Variants in ADGRB3 observed in about 807,000 individuals in gnomAD.
ADGRB3 encodes the protein brain-specific angiogenesis inhibitor 3.
In ADGRB3, 37 loss-of-function variants were observed where a neutral mutation model predicts 193.4. The observed-to-expected ratio is 0.19, with a 90% CI of 0.15 to 0.25. The LOEUF (loss-of-function observed/expected upper bound fraction) is 0.25, where lower values mean the gene tolerates loss of function less well. Among genes scored for constraint, ADGRB3 ranks in the 10% least tolerant of loss-of-function variants. The pLI is 1.00. For missense variants in ADGRB3, 1,637 were observed against 1,852.9 expected, an observed-to-expected ratio of 0.88 and a Z score of 2.14; for synonymous variants, 690 against 644.2, an observed-to-expected ratio of 1.07 and a Z score of -1.08.
intron 3 of ADGRB3, among the ~76,000 whole-genome samples, chr6:68,811,305 A>T (rs1234766790): frequency 1.3e-5 from 2 of 152,150 alleles, no homozygotes; most frequent in Non-Finnish European, 2.9e-5. Flanking sequence ...ATCCATTGAG[A>T]TTTCTACATG....
chr6:69,082,166 T>C (rs1772405716), intron 17 of ADGRB3, among the ~76,000 whole-genome samples: 1 of 152,082 alleles, frequency 6.6e-6, no homozygotes, highest in Non-Finnish European at 1.5e-5. Context: ...AAATATTTAC[T>C]ATTTAGTCTT....
At chr6:68,961,930 C>T (rs1278866763) in intron 8 of ADGRB3, among the ~76,000 whole-genome samples, 1 of 152,092 alleles carries the variant, frequency 6.6e-6, no homozygotes, top group African/African-American at 2.4e-5. Context: ...TCTGTATACT[C>T]TTTAAGGAAT....
intron 3 of ADGRB3, among the ~76,000 whole-genome samples, chr6:68,807,423 G>C (rs1767426731): frequency 6.6e-6 from 1 of 151,586 alleles, no homozygotes. Flanking sequence ...TGTATTTTTA[G>C]TAGAGACGGG....
chr6:68,714,395 T>TGG (rs1330260666), intron 3 of ADGRB3, among the ~76,000 whole-genome samples: 1 of 151,690 alleles, frequency 6.6e-6, no homozygotes, highest in Non-Finnish European at 1.5e-5. Context: ...ATGGTGACAG[T>TGG]GGGATGGCTG....
At chr6:69,350,811 CAT>C (rs1258232210) in intron 26 of ADGRB3, among the ~76,000 whole-genome samples, 1 of 151,554 alleles carries the variant, frequency 6.6e-6, no homozygotes, top group African/African-American at 2.4e-5. Context: ...TTGTTTGAAA[CAT>C]AGACTTGCTT....
At chr6:68,953,804 T>C (rs1354427973) in intron 6 of ADGRB3, among the ~76,000 whole-genome samples, 1 of 152,214 alleles carries the variant, frequency 6.6e-6, no homozygotes, top group East Asian at 1.9e-4. Flanking sequence ...GAAGTTAGAT[T>C]GAAAGTACTT....
At chr6:69,120,962 T>C (rs1773663065) in intron 17 of ADGRB3, among the ~76,000 whole-genome samples, 2 of 151,910 alleles carry the variant, frequency 1.3e-5, no homozygotes, top group Non-Finnish European at 2.9e-5. Context: ...AAAAACTGTT[T>C]CGATATGAAT....
intron 3 of ADGRB3, among the ~76,000 whole-genome samples, chr6:68,737,900 A>G (rs181030288): frequency 3.9e-5 from 6 of 152,300 alleles, no homozygotes; most frequent in Admixed American, 3.9e-4. Context: ...TTCAGGGTTT[A>G]GTGGGTGAGG....
chr6:68,870,554 C>A (rs1765427473), intron 3 of ADGRB3, among the ~76,000 whole-genome samples: 1 of 151,956 alleles, frequency 6.6e-6, no homozygotes, highest in Non-Finnish European at 1.5e-5. Flanking sequence ...AGCTTTTGAC[C>A]CTTGAGTTAA....
At chr6:69,261,501 T>A (rs1766927605) in intron 20 of ADGRB3, among the ~76,000 whole-genome samples, 1 of 152,126 alleles carries the variant, frequency 6.6e-6, no homozygotes, top group African/African-American at 2.4e-5. Flanking sequence ...TTTAATTTCA[T>A]CTATTTGAAA....
Position 69,075,983 on chromosome 6 carries a change from C to CTT in ADGRB3, c.2437-4_2437-3dup. The CTT allele has an allele frequency of 9.1e-6, 14 of 1,539,824 alleles. No individual in the cohort carries two copies. The highest frequency in any genetic ancestry group is 5.8e-5 in the South Asian group (5 of 86,372). On this transcript the variant is annotated splice_polypyrimidine_tract_variant and intron_variant, in intron 16 of 31. Coordinates refer to ENST00000370598, the MANE Select transcript of ADGRB3 (RefSeq NM_001704.3). ...TCAAGATATATGCATTCTTTCTCTGCTTTTTTTTTAGGGTACTTTGAATCC... is the reference window on the plus strand; with the variant it reads ...TCAAGATATATGCATTCTTTCTCTGCTTTTTTTTTTTAGGGTACTTTGAATCC...
At chr6:68,777,385 A>G (rs1448361203) in intron 3 of ADGRB3, among the ~76,000 whole-genome samples, 1 of 152,076 alleles carries the variant, frequency 6.6e-6, no homozygotes, top group Non-Finnish European at 1.5e-5. Flanking sequence ...GAATGTAGAA[A>G]TATATTTTTT....
chr6:69,030,003 CAT>C (rs1554247946), intron 13 of ADGRB3, among the ~76,000 whole-genome samples: 2 of 147,822 alleles, frequency 1.4e-5, no homozygotes, highest in Admixed American at 1.3e-4. Context: ...CACACACACA[CAT>C]ATATATATAG....
intron 17 of ADGRB3, among the ~76,000 whole-genome samples, chr6:69,172,050 A>G (rs1393406440): frequency 6.6e-6 from 1 of 152,128 alleles, no homozygotes; most frequent in Non-Finnish European, 1.5e-5. Context: ...CCATGGTGCA[A>G]CTTTGTAGTT....
At chr6:69,313,111 ACTGT>A (rs1260298424) in intron 20 of ADGRB3, among the ~76,000 whole-genome samples, 1 of 151,856 alleles carries the variant, frequency 6.6e-6, no homozygotes, top group Non-Finnish European at 1.5e-5. Flanking sequence ...TCAGTCCATG[ACTGT>A]CTGAATTGCT....
At chr6:68,977,827 C>T (rs1164565984) in intron 10 of ADGRB3, among the ~76,000 whole-genome samples, 1 of 143,998 alleles carries the variant, frequency 6.9e-6, no homozygotes, top group African/African-American at 2.4e-5. Flanking sequence ...TAAAAAGAAT[C>T]TGAATATCTG....
chr6:68,827,678 G>T (rs979516334), intron 3 of ADGRB3, among the ~76,000 whole-genome samples: 3 of 151,804 alleles, frequency 2.0e-5, no homozygotes, highest in Non-Finnish European at 4.4e-5. Context: ...GGGGGGAGGG[G>T]GTTCTATAGT....
At chr6:68,763,038 T>C (rs1473206518) in intron 3 of ADGRB3, among the ~76,000 whole-genome samples, 1 of 152,236 alleles carries the variant, frequency 6.6e-6, no homozygotes, top group Non-Finnish European at 1.5e-5. Context: ...CTATAACAAC[T>C]AGTTGATATT....
intron 3 of ADGRB3, among the ~76,000 whole-genome samples, chr6:68,707,815 G>T (rs990248348): frequency 2.6e-5 from 4 of 152,146 alleles, no homozygotes; most frequent in Non-Finnish European, 5.9e-5. Context: ...ACCAGTCTCT[G>T]CTCAGAGACT....
Sources: allele counts gnomAD v4.1 joint callset (sites outside exome capture counted in the v4.1 genomes callset), GRCh38; gene constraint gnomAD v4.1.1; transcripts MANE v1.5; gene names NCBI Gene and HGNC (gene_info 2026-07-23, HGNC 2026-07-21).